Variants in CPVL observed in about 807,000 individuals in gnomAD.
CPVL encodes carboxypeptidase vitellogenic like.
A neutral mutation model predicts 63.7 loss-of-function variants in CPVL; 51 were observed. The observed-to-expected ratio is 0.80, with a 90% CI of 0.64 to 1.01. The LOEUF (loss-of-function observed/expected upper bound fraction) is 1.01, where lower values mean the gene tolerates loss of function less well. Among genes scored for constraint, CPVL ranks in the 50% least tolerant of loss-of-function variants. The probability of loss-of-function intolerance (pLI) is 0.00; values close to 1 mark genes in which losing one functional copy is unlikely to be tolerated. For missense variants in CPVL, 530 were observed against 573.1 expected (o/e 0.92, Z 0.77); for synonymous variants, 195 against 206.0 (o/e 0.95, Z 0.46).
chr7:29,089,347 A>C (rs1036486369), intron 6 of CPVL, among the ~76,000 whole-genome samples: 4 of 152,220 alleles, frequency 2.6e-5, no homozygotes, highest in Non-Finnish European at 4.4e-5. Context: ...ATAGAGTCAG[A>C]AGCATAATCA....
intron 1 of CPVL, among the ~76,000 whole-genome samples, chr7:29,140,530 T>G (rs1381611295): frequency 2.0e-5 from 3 of 152,188 alleles, no homozygotes; most frequent in African/African-American, 7.2e-5. Context: ...AGGAATGCAG[T>G]TCTGTGCCCC....
intron 12 of CPVL, among the ~76,000 whole-genome samples, chr7:29,002,866 CAA>C (rs373207674): frequency 1.2e-4 from 15 of 124,308 alleles, no homozygotes; most frequent in Admixed American, 7.4e-4. Context: ...TATGAAAATT[CAA>C]AAAAAAAAAA....
chr7:29,044,730 T>TTG (rs1417618307), intron 11 of CPVL, among the ~76,000 whole-genome samples: 1 of 152,234 alleles, frequency 6.6e-6, no homozygotes, highest in Admixed American at 6.5e-5. Context: ...CGATTTGTCT[T>TTG]TTCAAAGTAA....
chr7:29,033,521 T>C (rs367656015), intron 11 of CPVL, among the ~76,000 whole-genome samples: 15 of 152,218 alleles, frequency 9.9e-5, no homozygotes, highest in African/African-American at 3.4e-4. Flanking sequence ...CAGTTTGCCC[T>C]GGACAGGAGT....
intron 11 of CPVL, among the ~76,000 whole-genome samples, chr7:29,031,215 T>C (rs901752208): frequency 3.3e-5 from 5 of 152,176 alleles, no homozygotes; most frequent in African/African-American, 7.2e-5. Flanking sequence ...CTCTCCTACA[T>C]TGATTTCAGT....
intron 6 of CPVL, among the ~76,000 whole-genome samples, chr7:29,088,422 T>G (rs981071276): frequency 2.6e-5 from 4 of 151,964 alleles, no homozygotes; most frequent in Non-Finnish European, 4.4e-5. Context: ...ATCATCGAGT[T>G]TCAATTTCAG....
chr7:29,090,522 T>C (rs1007989235), intron 6 of CPVL, among the ~76,000 whole-genome samples: 2 of 152,142 alleles, frequency 1.3e-5, no homozygotes, highest in African/African-American at 4.8e-5. Flanking sequence ...AGAAAATAAC[T>C]ATAGGTCCAC....
At chr7:29,100,503 C>T (rs2128617417) in intron 3 of CPVL, among the ~76,000 whole-genome samples, 1 of 152,226 alleles carries the variant, frequency 6.6e-6, no homozygotes, top group South Asian at 2.1e-4. Context: ...CCTGTCCTCC[C>T]CTATCCTCCA....
intron 7 of CPVL, among the ~76,000 whole-genome samples, chr7:29,080,970 T>G (rs1209879858): frequency 6.6e-6 from 1 of 152,252 alleles, no homozygotes; most frequent in Non-Finnish European, 1.5e-5. Flanking sequence ...CCACATGCCC[T>G]GCTAGTTTGG....
chr7:29,159,067 C>T (rs897633095), intron 5 of CPVL, among the ~76,000 whole-genome samples: 3 of 152,182 alleles, frequency 2.0e-5, no homozygotes, highest in African/African-American at 7.2e-5. Flanking sequence ...CATTTTAAAG[C>T]CCATTAAGTC....
chr7:29,091,602 G>A (rs577430610), intron 6 of CPVL, among the ~76,000 whole-genome samples: 18 of 152,308 alleles, frequency 1.2e-4, no homozygotes, highest in African/African-American at 4.1e-4. Flanking sequence ...ACTGTATGTG[G>A]AAGCAGAAGT....
intron 1 of CPVL, chr7:29,194,709 A>G: frequency 2.4e-6 from 1 of 410,576 alleles, no homozygotes; most frequent in South Asian, 7.3e-5. Flanking sequence ...CCCATAGAAA[A>G]GCGTGCAAAG....
At chr7:29,105,027 G>A (rs956835656) in intron 3 of CPVL, among the ~76,000 whole-genome samples, 1 of 152,072 alleles carries the variant, frequency 6.6e-6, no homozygotes, top group Non-Finnish European at 1.5e-5. Context: ...CATTAAGTAC[G>A]TAGCAAAGAG....
intron 5 of CPVL, among the ~76,000 whole-genome samples, chr7:29,167,574 G>C (rs1303953726): frequency 6.6e-6 from 1 of 152,096 alleles, no homozygotes; most frequent in Non-Finnish European, 1.5e-5. Context: ...TTTCAACTTT[G>C]CTAAATAACA....
rs1258172966 is a variant in CPVL, at chr7:28,995,614, CA to C, written c.*157del. On this transcript the variant is annotated 3_prime_UTR_variant, in exon 13 of 13. Transcript: ENST00000265394. ...TAATTTTGTAGTAAACATCTCCCCC[CA>C]AAAACAAAAGCTCACTTGTTTCAAG... 3 of 605,572 alleles carry C rather than the reference CA, an allele frequency of 5.0e-6. No homozygotes were observed. Among genetic ancestry groups the C allele is most frequent in the East Asian group, 6.0e-5 (2 of 33,428 alleles). The allele number at this position is 605,572 out of a possible 1,614,324, so 37.5% of individuals were successfully genotyped here.
chr7:29,067,331 C>G (rs1312339260), intron 9 of CPVL, among the ~76,000 whole-genome samples: 1 of 152,108 alleles, frequency 6.6e-6, no homozygotes, highest in Non-Finnish European at 1.5e-5. Context: ...AGGAGCTCAG[C>G]TATTCAAATG....
At chr7:29,128,700 G>C (rs1179579124) in intron 1 of CPVL, among the ~76,000 whole-genome samples, 1 of 121,634 alleles carries the variant, frequency 8.2e-6, no homozygotes, top group Non-Finnish European at 1.6e-5. Context: ...GGGCAACAGA[G>C]TAAGACTCTG....
chr7:29,086,608 T>G, intron 6 of CPVL, 58 bp from the exon 7 acceptor site: 66 of 1,240,576 alleles, frequency 5.3e-5, no homozygotes, highest in Middle Eastern at 1.9e-4. Context: ...TCAGGATCTC[T>G]TCATGCTAGG....
chr7:29,179,934 T>TA (rs573422258), intron 5 of CPVL, among the ~76,000 whole-genome samples: 1 of 152,242 alleles, frequency 6.6e-6, no homozygotes, highest in Non-Finnish European at 1.5e-5. Flanking sequence ...TAAGATAACT[T>TA]ACATTGCTAA....
Sources: gnomAD v4.1 joint callset for allele counts (sites outside exome capture counted in the v4.1 genomes callset) on GRCh38, gnomAD v4.1.1 for gene constraint, MANE v1.5 for transcripts, NCBI Gene and HGNC (gene_info 2026-07-23, HGNC 2026-07-21) for gene names.